Variants in PRKAG2 observed in about 807,000 individuals in gnomAD.
PRKAG2 encodes 5'-AMP-activated protein kinase subunit gamma-2.
In PRKAG2, 26 loss-of-function variants were observed where a neutral mutation model predicts 69.6. That is an observed-to-expected ratio of 0.37 (90% CI 0.27 to 0.52). The LOEUF (loss-of-function observed/expected upper bound fraction) is 0.52. Among genes scored for constraint, PRKAG2 ranks in the 20% least tolerant of loss-of-function variants. The pLI is 0.90. For missense variants in PRKAG2, 557 were observed against 740.0 expected, an observed-to-expected ratio of 0.75 and a Z score of 2.87; for synonymous variants, 293 against 285.0, an observed-to-expected ratio of 1.03 and a Z score of -0.28.
chr7:151,806,232 C>G (rs1313168056), intron 1 of PRKAG2, among the ~76,000 whole-genome samples: 1 of 152,178 alleles, frequency 6.6e-6, no homozygotes, highest in Non-Finnish European at 1.5e-5. Flanking sequence ...GAGAAAAATC[C>G]CTGTAAACTT....
chr7:151,866,030 A>G lies in PRKAG2; in HGVS notation c.114+10477T>C, dbSNP rs565398125. 5.3e-5 allele frequency among the ~76,000 whole-genome samples: 8 copies of G among 151,940 alleles called. No homozygotes were observed. In the East Asian group the frequency reaches 7.8e-4, roughly 15 times the overall value. On this transcript the variant is annotated intron_variant, in intron 1 of 15. Transcript: ENST00000287878. ...GCAAGACTCTGTCTCAAAAAAAAAA[A>G]AAAAAGAAAAAGAAAAGAAAGTGGA...
intron 5 of PRKAG2, among the ~76,000 whole-genome samples, chr7:151,630,290 TAAG>T (rs1255522625): frequency 1.3e-5 from 2 of 152,292 alleles, no homozygotes; most frequent in South Asian, 2.1e-4. Context: ...AAATCTCAAG[TAAG>T]AAGAAGAAAA....
intron 6 of PRKAG2, among the ~76,000 whole-genome samples, chr7:151,581,354 T>C (rs982315306): frequency 2.0e-5 from 3 of 152,218 alleles, no homozygotes; most frequent in Non-Finnish European, 4.4e-5. Context: ...ACCTTGTCTA[T>C]GACCTAAGTC....
intron 15 of PRKAG2, chr7:151,559,074 G>T (rs2150965601): frequency 1.0e-6 from 1 of 985,372 alleles, no homozygotes; most frequent in African/African-American, 1.7e-5. Flanking sequence ...GGATAAATCT[G>T]CCCAGAGAAG....
chr7:151,664,542 C>T (rs988496432), intron 4 of PRKAG2, among the ~76,000 whole-genome samples: 1 of 152,202 alleles, frequency 6.6e-6, no homozygotes, highest in African/African-American at 2.4e-5. Context: ...ACTTTGTCAT[C>T]TCACACTCAC....
At chr7:151,621,083 T>G (rs1233497542) in intron 5 of PRKAG2, among the ~76,000 whole-genome samples, 1 of 152,248 alleles carries the variant, frequency 6.6e-6, no homozygotes, top group African/African-American at 2.4e-5. Context: ...CCACAATATA[T>G]TCGGCTTTTA....
chr7:151,570,734 T>C (rs181074510), intron 9 of PRKAG2, among the ~76,000 whole-genome samples: 2 of 152,310 alleles, frequency 1.3e-5, no homozygotes, highest in African/African-American at 2.4e-5. Context: ...ACTGTTTTTT[T>C]CTGAAGATAT....
At chr7:151,642,958 C>T (rs900601843) in intron 4 of PRKAG2, among the ~76,000 whole-genome samples, 6 of 152,134 alleles carry the variant, frequency 3.9e-5, no homozygotes, top group East Asian at 1.9e-4. Flanking sequence ...ATCTGTTGAA[C>T]GAACATGTGC....
chr7:151,706,498 A>T (rs1159158567), intron 3 of PRKAG2, among the ~76,000 whole-genome samples: 1 of 139,990 alleles, frequency 7.1e-6, no homozygotes, highest in African/African-American at 2.7e-5. Context: ...TGCTGTAAAG[A>T]TTAAGTCCCA....
At chr7:151,865,736 G>T (rs2080049112) in intron 1 of PRKAG2, among the ~76,000 whole-genome samples, 1 of 152,228 alleles carries the variant, frequency 6.6e-6, no homozygotes, top group Non-Finnish European at 1.5e-5. Flanking sequence ...AAGTGGAGAA[G>T]AGGCCGGGCG....
rs1417277499 is a variant in PRKAG2 at position 151,675,696 on chromosome 7, G to T, written c.467-59C>A. 8 of 1,497,064 alleles carry T rather than the reference G, an allele frequency of 5.3e-6. No individual in the cohort carries two copies. In the African/African-American group the frequency reaches 7.0e-5, roughly 13 times the overall value. The allele number at this position is 1,497,064 out of a possible 1,614,324, so 92.7% of individuals were successfully genotyped here. A position where few individuals can be genotyped will look rare whatever the true frequency, so the allele number is the denominator to read the frequency against. ...CGGCTTCCAGGAAGGGACGTCGGGG[G>T]TGGTCAGAGGTCTGGTCTCCAGGAA... On this transcript the variant is annotated intron_variant, in intron 3 of 15. Coordinates refer to ENST00000287878, the MANE Select transcript of PRKAG2 (RefSeq NM_016203.4).
intron 3 of PRKAG2, among the ~76,000 whole-genome samples, chr7:151,678,146 G>A (rs936383115): frequency 1.1e-4 from 16 of 152,192 alleles, no homozygotes; most frequent in East Asian, 5.8e-4. Flanking sequence ...CCTGTCCCTC[G>A]TGTCACCAAA....
chr7:151,806,156 C>A (rs1271391869), intron 1 of PRKAG2, among the ~76,000 whole-genome samples: 1 of 152,174 alleles, frequency 6.6e-6, no homozygotes, highest in Non-Finnish European at 1.5e-5. Flanking sequence ...ACCACTGCAC[C>A]CCAGCTTGGG....
Position 151,781,218 on chromosome 7 carries a change from A to G in PRKAG2, c.400T>C (p.Ser134Pro). 6.2e-7 allele frequency: 1 copy of G among 1,613,752 alleles called. No individual in the cohort carries two copies. The highest frequency in any genetic ancestry group is 1.1e-5 in the South Asian group (1 of 91,058). Reference protein sequence around the residue: ...SGIFRSSSKESSPNSNPATSP... With the variant: ...SGIFRSSSKEPSPNSNPATSP... ...GTAGCAGGGTTGGAGTTGGGGGAAG[A>G]CTCTTTGGAGGAGGAGCGGAAGATC... Residue 134 changes from serine to proline, a missense_variant, in exon 3 of 16, where the codon TCT (serine) becomes CCT (proline). Coordinates refer to ENST00000287878, the MANE Select transcript of PRKAG2 (RefSeq NM_016203.4). The surrounding 1 kb of genome is among the most constrained non-coding windows in gnomAD (Gnocchi z 6.1).
At chr7:151,592,297 C>T (rs1009312784) in intron 6 of PRKAG2, among the ~76,000 whole-genome samples, 1 of 152,244 alleles carries the variant, frequency 6.6e-6, no homozygotes, top group African/African-American at 2.4e-5. Context: ...GGCAGACCTC[C>T]CAGTTGGACA....
intron 1 of PRKAG2, among the ~76,000 whole-genome samples, chr7:151,817,028 T>A (rs2078662812): frequency 6.6e-6 from 1 of 152,104 alleles, no homozygotes; most frequent in Admixed American, 6.5e-5. Context: ...GGATCACTCA[T>A]TAGAGATTAA....
intron 3 of PRKAG2, among the ~76,000 whole-genome samples, chr7:151,728,130 A>C (rs1026270895): frequency 6.6e-6 from 1 of 152,226 alleles, no homozygotes; most frequent in East Asian, 1.9e-4. Flanking sequence ...CTTGCACCCC[A>C]ACCAGCACCA....
In PRKAG2 at chr7:151,781,030, G is replaced by C. The variant is rs2076640655; in HGVS notation, c.466+122C>G. The C allele has an allele frequency of 1.5e-6, 2 of 1,327,500 alleles. No homozygotes were observed. The highest frequency in any genetic ancestry group is 2.1e-6 in the Non-Finnish European group (2 of 933,186). The allele number at this position is 1,327,500 out of a possible 1,614,324, so 82.2% of individuals were successfully genotyped here. On this transcript the variant is annotated intron_variant, in intron 3 of 15. Transcript: ENST00000287878. This position sits in a 1 kb window ranked among gnomAD's most constrained non-coding sequence, Gnocchi z 6.1. ...GTGGGGGTGGGGAGAAACAGATACA[G>C]GCACTCAGCACCAAGCTGCTCACAG...
intron 14 of PRKAG2, among the ~76,000 whole-genome samples, chr7:151,563,089 T>C (rs951360658): frequency 6.6e-6 from 1 of 152,212 alleles, no homozygotes; most frequent in African/African-American, 2.4e-5. Flanking sequence ...TCTTGTCATC[T>C]GCTGCTGAGT....
Sources: allele counts gnomAD v4.1 joint callset (sites outside exome capture counted in the v4.1 genomes callset), GRCh38; gene constraint gnomAD v4.1.1; non-coding constraint Gnocchi (gnomAD v3.1); transcripts MANE v1.5; gene names NCBI Gene and HGNC (gene_info 2026-07-23, HGNC 2026-07-21).